KIF13B: variants seen among roughly 807,000 people sequenced by gnomAD.
KIF13B encodes kinesin-like protein KIF13B.
Under a neutral mutation model 222.0 loss-of-function variants are expected in KIF13B, and 127 were observed. The observed-to-expected ratio is 0.57, with a 90% CI of 0.50 to 0.66. The LOEUF (loss-of-function observed/expected upper bound fraction) is 0.66. Among genes scored for constraint, KIF13B ranks in the 30% least tolerant of loss-of-function variants. KIF13B has a pLI of 0.00. For missense variants in KIF13B, 2,173 were observed against 2,379.0 expected (o/e 0.91, Z 1.80); for synonymous variants, 976 against 919.0 (o/e 1.06, Z -1.12).
Position 29,155,900 on chromosome 8 carries a change from T to C in KIF13B, c.1405-44A>G, listed in dbSNP as rs576389181. The C allele has an allele frequency of 7.0e-6, 10 of 1,436,550 alleles. No individual in the cohort carries two copies. In the Admixed American group the frequency reaches 9.8e-5, roughly 14 times the overall value. 89.0% of individuals were successfully genotyped at this position (1,436,550 alleles called of 1,614,324 possible). A position where few individuals can be genotyped will look rare whatever the true frequency, so the allele number is the denominator to read the frequency against. ...CACTGATTAATACTGTATTCTTACA[T>C]ATACACAATTGAAATCATTTACACT... On this transcript the variant is annotated intron_variant, in intron 13 of 39. Transcript: ENST00000524189.
chr8:29,193,600 G>A (rs112075772), intron 3 of KIF13B, among the ~76,000 whole-genome samples: 1,926 of 152,286 alleles, frequency 0.013, 24 homozygotes, highest in African/African-American at 0.03. Context: ...TATCACATGT[G>A]TATACAGTCA....
intron 2 of KIF13B, 45 bp from the exon 3 acceptor site, chr8:29,196,244 TAAA>T (rs34237413): frequency 7.8e-3 from 9,468 of 1,220,238 alleles, no homozygotes; most frequent in South Asian, 0.011. Flanking sequence ...AAAGAAAAGT[TAAA>T]AAAAAAAAAA....
rs193221405 is a variant in KIF13B, at chr8:29,096,579, C to T, written c.4324+2554G>A. 2.8e-3 allele frequency among the ~76,000 whole-genome samples: 432 copies of T among 152,132 alleles called. 3 individuals are homozygous for T. The highest frequency in any genetic ancestry group is 9.7e-3 in the African/African-American group (401 of 41,502). ...GGCTACAGGTGGGAGCTACCGCACCCGGCCTACAGGTGGCTATTTTAAAGC... is the reference window on the plus strand; with the variant it reads ...GGCTACAGGTGGGAGCTACCGCACCTGGCCTACAGGTGGCTATTTTAAAGC... On this transcript the variant is annotated intron_variant, in intron 36 of 39. Coordinates refer to ENST00000524189, the MANE Select transcript of KIF13B (RefSeq NM_015254.4).
intron 36 of KIF13B, among the ~76,000 whole-genome samples, chr8:29,096,363 A>G (rs1223031195): frequency 7.1e-6 from 1 of 141,664 alleles, no homozygotes; most frequent in Non-Finnish European, 1.5e-5. Flanking sequence ...ACAGTGATGC[A>G]ATTGTGCCTC....
At chr8:29,260,898 G>A (rs1473981660) in intron 1 of KIF13B, among the ~76,000 whole-genome samples, 2 of 152,176 alleles carry the variant, frequency 1.3e-5, no homozygotes, top group South Asian at 2.1e-4. Flanking sequence ...GATTATAAGC[G>A]TAAGCCACCG....
rs773180549 is a variant in KIF13B, at chr8:29,150,283, GAAC to G, written c.1622+11_1622+13del. The stretch of plus-strand genomic sequence containing the variant: ...CTTCAACAATCTCTTTAAGGGACAT[GAAC>G]AACATCATACCTGAAGAAATGATTG... On this transcript the variant is annotated intron_variant, in intron 15 of 39. Coordinates refer to ENST00000524189, the MANE Select transcript of KIF13B (RefSeq NM_015254.4). 4.8e-6 allele frequency: 7 copies of G among 1,450,612 alleles called. No individual in the cohort carries two copies. The highest frequency in any genetic ancestry group is 6.7e-6 in the Non-Finnish European group (7 of 1,040,076). The allele number at this position is 1,450,612 out of a possible 1,614,324, so 89.9% of individuals were successfully genotyped here.
intron 2 of KIF13B, among the ~76,000 whole-genome samples, chr8:29,198,442 C>T (rs1469312691): frequency 1.3e-5 from 2 of 152,162 alleles, no homozygotes; most frequent in Non-Finnish European, 2.9e-5. Context: ...CAGGCTCAAC[C>T]TCCTGAGTAG....
At chr8:29,144,872 C>A (rs886087329) in intron 18 of KIF13B, among the ~76,000 whole-genome samples, 2 of 152,192 alleles carry the variant, frequency 1.3e-5, no homozygotes, top group Admixed American at 6.5e-5. Context: ...AGATGCCAGG[C>A]GACATGAGTT....
intron 19 of KIF13B, among the ~76,000 whole-genome samples, chr8:29,141,591 T>C (rs1810820838): frequency 6.6e-6 from 1 of 152,232 alleles, no homozygotes; most frequent in Admixed American, 6.5e-5. Context: ...ACATACATAA[T>C]ATGCACTTCT....
At chr8:29,114,529 T>C (rs1809507472) in intron 31 of KIF13B, among the ~76,000 whole-genome samples, 1 of 152,180 alleles carries the variant, frequency 6.6e-6, no homozygotes, top group Admixed American at 6.5e-5. Flanking sequence ...ATGTAGATGC[T>C]ACTATTATCC....
At chr8:29,077,506 A>G (rs76996072) in intron 37 of KIF13B, among the ~76,000 whole-genome samples, 1,874 of 152,354 alleles carry the variant, frequency 0.012, 44 homozygotes, top group African/African-American at 0.043. Flanking sequence ...TCTTCACTAC[A>G]TCTTACCTAA....
intron 14 of KIF13B, among the ~76,000 whole-genome samples, chr8:29,155,249 C>T (rs1811466144): frequency 6.6e-6 from 1 of 152,152 alleles, no homozygotes; most frequent in Non-Finnish European, 1.5e-5. Flanking sequence ...AGAAGCACTG[C>T]CACAACAGGG....
chr8:29,119,685 T>C (rs1199359769), intron 29 of KIF13B, among the ~76,000 whole-genome samples: 1 of 152,144 alleles, frequency 6.6e-6, no homozygotes, highest in African/African-American at 2.4e-5. Context: ...GTAGGAAGCC[T>C]AACAGAAGAA....
chr8:29,115,214 GT>G (rs1179204880), intron 31 of KIF13B, among the ~76,000 whole-genome samples: 2 of 151,850 alleles, frequency 1.3e-5, no homozygotes, highest in African/African-American at 4.8e-5. Flanking sequence ...ATCTGTACTG[GT>G]TTTAGTCAGT....
At chr8:29,110,388 C>G (rs909935678) in intron 32 of KIF13B, among the ~76,000 whole-genome samples, 2 of 152,160 alleles carry the variant, frequency 1.3e-5, no homozygotes, top group Non-Finnish European at 2.9e-5. Context: ...ATGTAACCAC[C>G]GTAAAAACAA....
intron 7 of KIF13B, 104 bp from the exon 8 acceptor site, chr8:29,180,342 C>T (rs1812660355): frequency 8.7e-7 from 1 of 1,146,980 alleles, no homozygotes. Flanking sequence ...ACTTAGTCAA[C>T]AACATTTGGA....
intron 21 of KIF13B, chr8:29,138,596 A>T (rs1810667162): frequency 6.6e-6 from 1 of 152,226 alleles, no homozygotes; most frequent in African/African-American, 2.4e-5. Flanking sequence ...TGATGGAAGA[A>T]CGCAGGCCAC....
chr8:29,147,621 A>C lies in KIF13B; in HGVS notation c.1814-19T>G, dbSNP rs1563740584. The C allele has an allele frequency of 4.5e-6, 7 of 1,549,034 alleles. No homozygotes were observed. The highest frequency in any genetic ancestry group is 6.2e-6 in the Non-Finnish European group (7 of 1,125,910). On this transcript the variant is annotated intron_variant, in intron 16 of 39. Coordinates refer to ENST00000524189, the MANE Select transcript of KIF13B (RefSeq NM_015254.4). ...ATCGGATCTAAACACATTTTTAAAAAAGATACATGATCGAGAGTTACAACA... is the reference window on the plus strand; with the variant it reads ...ATCGGATCTAAACACATTTTTAAAACAGATACATGATCGAGAGTTACAACA...
At chr8:29,152,363 C>T (rs1811335249) in intron 14 of KIF13B, among the ~76,000 whole-genome samples, 1 of 152,106 alleles carries the variant, frequency 6.6e-6, no homozygotes, top group Non-Finnish European at 1.5e-5. Flanking sequence ...AAAGTTCTAC[C>T]GTGGGTAAAA....
Sources: allele counts gnomAD v4.1 joint callset (sites outside exome capture counted in the v4.1 genomes callset), GRCh38; gene constraint gnomAD v4.1.1; transcripts MANE v1.5; gene names NCBI Gene and HGNC (gene_info 2026-07-23, HGNC 2026-07-21).